The following CLSTN2 variants were observed in gnomAD, a reference collection of about 807,000 sequenced individuals.
The protein encoded by CLSTN2 is calsyntenin 2.
A neutral mutation model predicts 101.2 loss-of-function variants in CLSTN2; 48 were observed. The ratio of observed to expected loss-of-function variants is 0.47; its 90% CI spans 0.38 to 0.60. CLSTN2 has a LOEUF of 0.60. CLSTN2 is among the 20% of genes least tolerant of loss of function. The pLI, the probability that CLSTN2 is intolerant of heterozygous loss-of-function variation, is 0.00. For missense variants in CLSTN2, 1,160 were observed against 1,238.2 expected (o/e 0.94, Z 0.95); for synonymous variants, 481 against 463.6 (o/e 1.04, Z -0.48).
At chr3:140,309,709 T>G (rs2087146816) in intron 2 of CLSTN2, among the ~76,000 whole-genome samples, 1 of 152,076 alleles carries the variant, frequency 6.6e-6, no homozygotes, top group South Asian at 2.1e-4. Flanking sequence ...CACCCCCACG[T>G]GCCCTACCAG....
intron 1 of CLSTN2, among the ~76,000 whole-genome samples, chr3:139,968,192 T>G (rs913359464): frequency 1.3e-5 from 2 of 152,170 alleles, no homozygotes; most frequent in African/African-American, 4.8e-5. Flanking sequence ...CAGAATAAAC[T>G]GGAAGCCAGA....
chr3:140,205,922 A>T (rs994458437), intron 2 of CLSTN2, among the ~76,000 whole-genome samples: 2 of 152,166 alleles, frequency 1.3e-5, no homozygotes, highest in Non-Finnish European at 2.9e-5. Context: ...TCACAGGTGC[A>T]TGCACTGTGC....
chr3:140,177,924 T>G (rs6780870), intron 2 of CLSTN2, among the ~76,000 whole-genome samples: 22,197 of 152,006 alleles, frequency 0.15, 1,900 homozygotes, highest in Middle Eastern at 0.2. Flanking sequence ...CTCACTTCCC[T>G]CATCCCCTTT....
intron 5 of CLSTN2, among the ~76,000 whole-genome samples, chr3:140,424,307 C>A (rs1230208874): frequency 1.3e-5 from 2 of 152,208 alleles, no homozygotes; most frequent in Non-Finnish European, 2.9e-5. Context: ...CATAGACAGG[C>A]CCTCCAGGCT....
At chr3:140,425,989 C>T (rs1311691451) in intron 5 of CLSTN2, among the ~76,000 whole-genome samples, 2 of 152,086 alleles carry the variant, frequency 1.3e-5, no homozygotes, top group Admixed American at 1.3e-4. Context: ...CTTAGAGGTA[C>T]CTCTAGTTTT....
intron 8 of CLSTN2, among the ~76,000 whole-genome samples, chr3:140,504,597 C>A (rs1466278695): frequency 2.6e-5 from 4 of 152,148 alleles, no homozygotes; most frequent in East Asian, 3.9e-4. Flanking sequence ...GGATGGAAGT[C>A]ATCAGGAAGA....
At chr3:140,118,579 AGCCT>A (rs67457993) in intron 1 of CLSTN2, among the ~76,000 whole-genome samples, 39,141 of 151,708 alleles carry the variant, frequency 0.26, 5,699 homozygotes, top group East Asian at 0.46. Flanking sequence ...TGCAATCTGG[AGCCT>A]GCCTAACCTC....
chr3:140,278,542 G>T (rs2086815787), intron 2 of CLSTN2, among the ~76,000 whole-genome samples: 1 of 152,148 alleles, frequency 6.6e-6, no homozygotes, highest in African/African-American at 2.4e-5. Flanking sequence ...TATGTCACCA[G>T]CAGACAATGA....
intron 2 of CLSTN2, among the ~76,000 whole-genome samples, chr3:140,351,926 G>A (rs901983675): frequency 2.6e-5 from 4 of 150,958 alleles, no homozygotes; most frequent in Admixed American, 1.3e-4. Flanking sequence ...GTGTAGATTA[G>A]TGATACAGAG....
intron 2 of CLSTN2, among the ~76,000 whole-genome samples, chr3:140,234,910 T>C (rs1039182206): frequency 1.3e-5 from 2 of 152,118 alleles, no homozygotes; most frequent in African/African-American, 2.4e-5. Context: ...AGCAGCTCCA[T>C]CTTCTGCAGA....
intron 2 of CLSTN2, among the ~76,000 whole-genome samples, chr3:140,216,345 A>C (rs2010921162): frequency 1.3e-5 from 2 of 152,114 alleles, no homozygotes; most frequent in Non-Finnish European, 2.9e-5. Flanking sequence ...AAAAGCCACC[A>C]CTAGTTCAGG....
At chr3:140,280,476 A>T (rs1431778011) in intron 2 of CLSTN2, among the ~76,000 whole-genome samples, 1 of 152,186 alleles carries the variant, frequency 6.6e-6, no homozygotes, top group Admixed American at 6.5e-5. Flanking sequence ...GGCAGCTAGG[A>T]CTAGTTTGAG....
intron 1 of CLSTN2, among the ~76,000 whole-genome samples, chr3:140,010,771 G>C (rs1480106033): frequency 6.6e-6 from 1 of 152,222 alleles, no homozygotes; most frequent in Non-Finnish European, 1.5e-5. Flanking sequence ...TTGCTTTGTT[G>C]TTGATGATGA....
chr3:140,509,883 CT>C (rs929749460), intron 8 of CLSTN2, among the ~76,000 whole-genome samples: 14 of 152,218 alleles, frequency 9.2e-5, no homozygotes, highest in African/African-American at 3.1e-4. Context: ...TTGAAGTGGA[CT>C]TTTTAATATA....
At chr3:140,498,343 C>T (rs974708113) in intron 8 of CLSTN2, among the ~76,000 whole-genome samples, 2 of 151,944 alleles carry the variant, frequency 1.3e-5, no homozygotes, top group African/African-American at 4.8e-5. Context: ...AATCAGGGAG[C>T]CCCCCTAATG....
At chr3:140,428,557 A>C (rs2088596817) in intron 5 of CLSTN2, among the ~76,000 whole-genome samples, 1 of 151,998 alleles carries the variant, frequency 6.6e-6, no homozygotes, top group African/African-American at 2.4e-5. Flanking sequence ...TCCAGCCCCC[A>C]AGGAGCCCTT....
intron 8 of CLSTN2, among the ~76,000 whole-genome samples, chr3:140,529,086 C>A (rs895860909): frequency 2.0e-5 from 3 of 152,204 alleles, no homozygotes; most frequent in African/African-American, 7.2e-5. Context: ...TTGGATCAAC[C>A]AGTCAGAAAC....
chr3:140,571,918 G>A lies in CLSTN2; in HGVS notation c.*5665G>A, dbSNP rs527425064. On this transcript the variant is annotated 3_prime_UTR_variant, in exon 17 of 17. Coordinates refer to ENST00000458420, the MANE Select transcript of CLSTN2 (RefSeq NM_022131.3). ...GACAGATATTCCCTGTATGCAGGTA[G>A]TAAACAGATGGGAGTCTGTGTTTGC... The A allele has an allele frequency of 6.6e-6, 1 of 152,412 alleles. No individual in the cohort carries two copies. The highest frequency in any genetic ancestry group is 2.4e-5 in the African/African-American group (1 of 41,578). 9.4% of individuals were successfully genotyped at this position (152,412 alleles called of 1,614,324 possible).
At chr3:140,085,678 T>C (rs2008669262) in intron 1 of CLSTN2, among the ~76,000 whole-genome samples, 1 of 152,184 alleles carries the variant, frequency 6.6e-6, no homozygotes, top group African/African-American at 2.4e-5. Context: ...CCTGGCCTGC[T>C]CTACCTCCTC....
Sources: gnomAD v4.1 joint callset for allele counts (sites outside exome capture counted in the v4.1 genomes callset) on GRCh38, gnomAD v4.1.1 for gene constraint, MANE v1.5 for transcripts, NCBI Gene and HGNC (gene_info 2026-07-23, HGNC 2026-07-21) for gene names.